Variants in PRKG1 observed in about 807,000 individuals in gnomAD.
The protein encoded by PRKG1 is protein kinase cGMP-dependent 1, also known as cGMP-dependent protein kinase 1.
A neutral mutation model predicts 88.1 loss-of-function variants in PRKG1; 35 were observed. The ratio of observed to expected loss-of-function variants is 0.40; its 90% CI spans 0.30 to 0.53. The LOEUF (loss-of-function observed/expected upper bound fraction) is 0.53, where lower values mean the gene tolerates loss of function less well. Ranked by LOEUF, PRKG1 falls within the 20% of genes least tolerant of loss-of-function variation. The pLI, the probability that PRKG1 is intolerant of heterozygous loss-of-function variation, is 0.59. For missense variants in PRKG1, 540 were observed against 839.8 expected, an observed-to-expected ratio of 0.64 and a Z score of 4.41; for synonymous variants, 303 against 292.5, an observed-to-expected ratio of 1.04 and a Z score of -0.37.
intron 7 of PRKG1, among the ~76,000 whole-genome samples, chr10:52,099,116 G>A (rs566306985): frequency 6.6e-6 from 1 of 152,136 alleles, no homozygotes; most frequent in Non-Finnish European, 1.5e-5. Context: ...TTACAAGTTG[G>A]CTTCTGTACA....
At chr10:51,277,327 G>C (rs1420479977) in intron 2 of PRKG1, among the ~76,000 whole-genome samples, 2 of 152,118 alleles carry the variant, frequency 1.3e-5, no homozygotes, top group Non-Finnish European at 2.9e-5. Flanking sequence ...CTATAGCTCT[G>C]TTTTGGTACC....
At chr10:52,248,548 G>T (rs1349787990) in intron 9 of PRKG1, among the ~76,000 whole-genome samples, 2 of 152,098 alleles carry the variant, frequency 1.3e-5, no homozygotes, top group Admixed American at 1.3e-4. Context: ...ACCTAGTAAT[G>T]TTAGCAAAGT....
At chr10:51,764,824 C>A (rs1267991656) in intron 3 of PRKG1, among the ~76,000 whole-genome samples, 3 of 152,138 alleles carry the variant, frequency 2.0e-5, no homozygotes, top group African/African-American at 7.2e-5. Context: ...GTGATTAAAT[C>A]ACAAGGGAGC....
chr10:51,556,149 A>G (rs1179762522), intron 3 of PRKG1, among the ~76,000 whole-genome samples: 1 of 152,032 alleles, frequency 6.6e-6, no homozygotes, highest in Non-Finnish European at 1.5e-5. Flanking sequence ...TACAGTAAAG[A>G]AGTTTTTTTC....
chr10:51,449,903 C>T (rs538315496), intron 2 of PRKG1, among the ~76,000 whole-genome samples: 189 of 151,776 alleles, frequency 1.2e-3, no homozygotes, highest in African/African-American at 4.2e-3. Flanking sequence ...ATCAGATGCT[C>T]AGATGAAAAC....
At chr10:52,107,440 A>G (rs1467346753) in intron 7 of PRKG1, among the ~76,000 whole-genome samples, 1 of 152,188 alleles carries the variant, frequency 6.6e-6, no homozygotes, top group Non-Finnish European at 1.5e-5. Context: ...GAGATCGAGC[A>G]TCTAAGGAAT....
chr10:51,415,362 T>C (rs1319038932), intron 2 of PRKG1, among the ~76,000 whole-genome samples: 4 of 152,242 alleles, frequency 2.6e-5, no homozygotes, highest in African/African-American at 9.6e-5. Flanking sequence ...TTAATTCTTG[T>C]TATTTTTTTG....
intron 2 of PRKG1, among the ~76,000 whole-genome samples, chr10:51,179,693 T>C (rs1845554748): frequency 6.6e-6 from 1 of 152,176 alleles, no homozygotes; most frequent in South Asian, 2.1e-4. Flanking sequence ...AGTGCTCCAG[T>C]CCCTCAGACA....
At chr10:52,030,551 T>C (rs1845449421) in intron 5 of PRKG1, among the ~76,000 whole-genome samples, 1 of 152,200 alleles carries the variant, frequency 6.6e-6, no homozygotes, top group Admixed American at 6.5e-5. Flanking sequence ...ATATGGCATA[T>C]CAGGATGCTT....
intron 1 of PRKG1, among the ~76,000 whole-genome samples, chr10:51,137,020 G>GAC (rs1845703117): frequency 6.6e-6 from 1 of 152,070 alleles, no homozygotes; most frequent in South Asian, 2.1e-4. Flanking sequence ...CAGTAGCTGG[G>GAC]ACTACAGGCG....
chr10:51,352,185 C>A (rs1367071097), intron 2 of PRKG1, among the ~76,000 whole-genome samples: 1 of 152,130 alleles, frequency 6.6e-6, no homozygotes, highest in Non-Finnish European at 1.5e-5. Context: ...CGTGATGCCT[C>A]CAGCTTTGGT....
chr10:51,687,403 C>A lies in PRKG1; in HGVS notation c.593-117182C>A, dbSNP rs367744750. Among the ~76,000 whole-genome samples, 38 of 152,276 alleles carry A rather than the reference C, an allele frequency of 2.5e-4. 1 individual carries two copies. In the South Asian group the frequency reaches 7.7e-3, roughly 31 times the overall value. On this transcript the variant is annotated intron_variant, in intron 3 of 17. Coordinates refer to ENST00000373980, the MANE Select transcript of PRKG1 (RefSeq NM_006258.4). The stretch of plus-strand genomic sequence containing the variant: ...TAGATGAGGTTTGAAAAATTGTTAG[C>A]AGCAGAATTCTGTTGAGGGTTTATT...
At chr10:51,158,922 A>G (rs1005026236) in intron 2 of PRKG1, among the ~76,000 whole-genome samples, 4 of 150,800 alleles carry the variant, frequency 2.7e-5, no homozygotes, top group Admixed American at 2.0e-4. Flanking sequence ...ATTCACATCT[A>G]CTCTCAAAAG....
intron 2 of PRKG1, among the ~76,000 whole-genome samples, chr10:51,332,552 G>A (rs553415393): frequency 2.0e-5 from 3 of 152,282 alleles, no homozygotes; most frequent in South Asian, 4.1e-4. Context: ...GGGTTAGAGG[G>A]AAAATCTATG....
intron 9 of PRKG1, among the ~76,000 whole-genome samples, chr10:52,192,060 A>T (rs888215814): frequency 6.6e-6 from 1 of 152,184 alleles, no homozygotes; most frequent in Admixed American, 6.5e-5. Context: ...TTTGGTGACA[A>T]ATCAGATTTT....
chr10:52,002,975 A>G (rs1844637929), intron 5 of PRKG1, among the ~76,000 whole-genome samples: 1 of 152,170 alleles, frequency 6.6e-6, no homozygotes, highest in Admixed American at 6.5e-5. Context: ...TTTAGTGCAT[A>G]GTGGTTATTT....
intron 14 of PRKG1, among the ~76,000 whole-genome samples, chr10:52,286,666 T>G (rs1842123303): frequency 6.6e-6 from 1 of 151,968 alleles, no homozygotes; most frequent in Non-Finnish European, 1.5e-5. Context: ...TAATAATTAG[T>G]AATCTTACAT....
intron 2 of PRKG1, among the ~76,000 whole-genome samples, chr10:51,172,720 A>G (rs1374857308): frequency 6.6e-6 from 1 of 151,842 alleles, no homozygotes; most frequent in East Asian, 1.9e-4. Context: ...TTAGGTCATC[A>G]TATGTGTGGA....
intron 3 of PRKG1, among the ~76,000 whole-genome samples, chr10:51,602,755 T>C (rs1838645339): frequency 7.6e-6 from 1 of 131,990 alleles, no homozygotes; most frequent in African/African-American, 3.6e-5. Context: ...TGTGTGTGTG[T>C]GTGTGTGTGT....
Sources: allele counts gnomAD v4.1 joint callset (sites outside exome capture counted in the v4.1 genomes callset), GRCh38; gene constraint gnomAD v4.1.1; transcripts MANE v1.5; gene names NCBI Gene and HGNC (gene_info 2026-07-23, HGNC 2026-07-21).